The following PDE10A variants were observed in gnomAD, a reference collection of about 807,000 sequenced individuals.
The protein encoded by PDE10A is phosphodiesterase 10A.
PDE10A carries 39 observed loss-of-function variants against 97.7 expected under a neutral mutation model. The ratio of observed to expected loss-of-function variants is 0.40; its 90% confidence interval spans 0.31 to 0.52. The LOEUF (loss-of-function observed/expected upper bound fraction) is 0.52. Among genes scored for constraint, PDE10A ranks in the 20% least tolerant of loss-of-function variants. PDE10A has a pLI of 0.56. For missense variants in PDE10A, 731 were observed against 1,047.8 expected (o/e 0.70, Z 4.17); for synonymous variants, 371 against 376.8 (o/e 0.98, Z 0.18).
At chr6:165,345,327 T>C (rs1782235695) in intron 18 of PDE10A, among the ~76,000 whole-genome samples, 1 of 152,206 alleles carries the variant, frequency 6.6e-6, no homozygotes, top group South Asian at 2.1e-4. Flanking sequence ...AAAACAGTTA[T>C]TTAGATTTCA....
chr6:165,540,344 TTTA>T lies in PDE10A; in HGVS notation c.994+3093_994+3095del, dbSNP rs1291889836. 4.6e-5 allele frequency among the ~76,000 whole-genome samples: 7 copies of T among 152,342 alleles called. 1 individual carries two copies. The highest frequency in any genetic ancestry group is 1.7e-4 in the African/African-American group (7 of 41,594). Reference sequence around the variant, plus strand: ...ACACTGCTTACAGGTGTTTTTTTCTTTTATTATTATTTTTGACATAATAATTGT... The same window carrying T: ...ACACTGCTTACAGGTGTTTTTTTCTTTTATTATTTTTGACATAATAATTGT... On this transcript the variant is annotated intron_variant, in intron 2 of 21. Transcript: ENST00000539869.
intron 1 of PDE10A, among the ~76,000 whole-genome samples, chr6:165,560,826 C>G (rs2322942): frequency 0.36 from 54,417 of 151,784 alleles, 13,503 homozygotes; most frequent in African/African-American, 0.7. Context: ...GTGGGGGCTG[C>G]TGAGAGGTGA....
intron 1 of PDE10A, among the ~76,000 whole-genome samples, chr6:165,658,327 T>C (rs3008058): frequency 6.6e-6 from 1 of 152,218 alleles, no homozygotes; most frequent in African/African-American, 2.4e-5. Flanking sequence ...TTTTGAATAT[T>C]TGGCAATCAA....
Position 165,465,058 on chromosome 6 carries a change from T to G in PDE10A, c.1024-14696A>C, listed in dbSNP as rs554166910. ...ATTCCTGGATTGCAAGATAAATGTA[T>G]GTTTAACTTTACAAGAAGTTACCCC... On this transcript the variant is annotated intron_variant, in intron 3 of 21. Transcript: ENST00000539869. 3.9e-5 allele frequency among the ~76,000 whole-genome samples: 6 copies of G among 152,370 alleles called. No homozygotes were observed. In the East Asian group the frequency reaches 1.2e-3, roughly 29 times the overall value.
intron 1 of PDE10A, among the ~76,000 whole-genome samples, chr6:165,952,683 C>T (rs1234225063): frequency 6.6e-6 from 1 of 152,314 alleles, no homozygotes; most frequent in South Asian, 2.1e-4. Context: ...GGGCTCTGCA[C>T]GGGACGGAAA....
At chr6:165,455,044 C>G (rs537468478) in intron 3 of PDE10A, among the ~76,000 whole-genome samples, 1 of 152,210 alleles carries the variant, frequency 6.6e-6, no homozygotes, top group East Asian at 1.9e-4. Context: ...CCAAAGAGGT[C>G]GGCAGCCATT....
intron 1 of PDE10A, among the ~76,000 whole-genome samples, chr6:165,656,060 T>C (rs1475554254): frequency 6.6e-6 from 1 of 152,014 alleles, no homozygotes. Flanking sequence ...TCTCTTGGTA[T>C]TTTTTGTTTC....
upstream of PDE10A, among the ~76,000 whole-genome samples, chr6:165,664,641 G>A (rs1458772385): frequency 1.3e-5 from 2 of 152,150 alleles, no homozygotes; most frequent in African/African-American, 4.8e-5. Flanking sequence ...GTTGAGCCAG[G>A]CTGCCGGCAG....
chr6:165,488,279 A>G (rs1481520962), intron 2 of PDE10A, among the ~76,000 whole-genome samples: 1 of 152,192 alleles, frequency 6.6e-6, no homozygotes, highest in Non-Finnish European at 1.5e-5. Flanking sequence ...AGAGAAAGAT[A>G]AAGCATCTTT....
chr6:165,740,159 C>T (rs1172091950), intron 1 of PDE10A, among the ~76,000 whole-genome samples: 1 of 152,126 alleles, frequency 6.6e-6, no homozygotes, highest in East Asian at 1.9e-4. Context: ...TATCTGCACT[C>T]CTATTGCCCA....
intron 1 of PDE10A, among the ~76,000 whole-genome samples, chr6:165,985,770 G>A (rs1583399982): frequency 6.6e-6 from 1 of 152,156 alleles, no homozygotes; most frequent in Non-Finnish European, 1.5e-5. Context: ...GCACATGACA[G>A]CCAGGCAGGC....
At chr6:165,678,143 ATG>A (rs1170031064) in intron 1 of PDE10A, among the ~76,000 whole-genome samples, 1 of 136,902 alleles carries the variant, frequency 7.3e-6, no homozygotes, top group Non-Finnish European at 1.6e-5. Context: ...GTACGTGTGT[ATG>A]TGTGTGTCTC....
chr6:165,694,221 C>T (rs1421138291), intron 1 of PDE10A, among the ~76,000 whole-genome samples: 2 of 152,204 alleles, frequency 1.3e-5, no homozygotes, highest in African/African-American at 2.4e-5. Flanking sequence ...AAATCAAAGA[C>T]AGAGAATCCT....
intron 18 of PDE10A, among the ~76,000 whole-genome samples, chr6:165,378,591 A>T (rs1198300946): frequency 6.6e-6 from 1 of 152,210 alleles, no homozygotes; most frequent in Admixed American, 6.5e-5. Context: ...CAAAAACAAA[A>T]GGGCATCAGA....
At chr6:165,374,150 C>T (rs564723748) in intron 18 of PDE10A, among the ~76,000 whole-genome samples, 136 of 150,518 alleles carry the variant, frequency 9.0e-4, no homozygotes, top group Non-Finnish European at 1.6e-3. Context: ...TTAATGGGTG[C>T]AGCACACCAG....
chr6:165,687,155 C>A (rs1271276534), intron 1 of PDE10A, among the ~76,000 whole-genome samples: 2 of 152,206 alleles, frequency 1.3e-5, no homozygotes, highest in East Asian at 3.9e-4. Context: ...CGCCTACACC[C>A]CCACTGCGCT....
intron 1 of PDE10A, among the ~76,000 whole-genome samples, chr6:165,672,949 G>A (rs970329101): frequency 2.6e-5 from 4 of 152,122 alleles, no homozygotes; most frequent in African/African-American, 7.2e-5. Flanking sequence ...AATTCACTGT[G>A]ACTGAGTGCA....
chr6:165,451,667 T>G (rs565819954), intron 3 of PDE10A, among the ~76,000 whole-genome samples: 3 of 152,176 alleles, frequency 2.0e-5, no homozygotes, highest in Non-Finnish European at 4.4e-5. Flanking sequence ...AGCACTATAC[T>G]CAATAAATAT....
At chr6:165,486,054 G>A (rs538552103) in intron 2 of PDE10A, among the ~76,000 whole-genome samples, 119 of 152,264 alleles carry the variant, frequency 7.8e-4, no homozygotes, top group African/African-American at 2.1e-3. Context: ...GGCTAGCAAC[G>A]TAACTAGAGG....
Sources: gnomAD v4.1 joint callset for allele counts (sites outside exome capture counted in the v4.1 genomes callset) on GRCh38, gnomAD v4.1.1 for gene constraint, MANE v1.5 for transcripts, NCBI Gene and HGNC (gene_info 2026-07-23, HGNC 2026-07-21) for gene names.